LRRN1: variants seen among roughly 807,000 people sequenced by gnomAD.
LRRN1 encodes the protein leucine-rich repeat neuronal protein 1.
In LRRN1, 14 loss-of-function variants were observed where a neutral mutation model predicts 45.8. The observed-to-expected ratio is 0.31, with a 90% confidence interval of 0.20 to 0.48. The LOEUF (loss-of-function observed/expected upper bound fraction) is 0.48, where lower values mean the gene tolerates loss of function less well. LRRN1 is among the 20% of genes least tolerant of loss of function. The pLI, the probability that LRRN1 is intolerant of heterozygous loss-of-function variation, is 0.99. For synonymous variants in LRRN1, 359 were observed against 330.1 expected (o/e 1.09, Z -0.95); for missense variants, 789 against 874.2 (o/e 0.90, Z 1.23).
chr3:3,832,658 G>T (rs1344088086), intron 1 of LRRN1, among the ~76,000 whole-genome samples: 1 of 152,166 alleles, frequency 6.6e-6, no homozygotes, highest in African/African-American at 2.4e-5. Flanking sequence ...TAAATTGTTG[G>T]TAATGTAGTG....
At chr3:3,817,248 C>T (rs711578) in intron 1 of LRRN1, among the ~76,000 whole-genome samples, 73,020 of 151,986 alleles carry the variant, frequency 0.48, 20,636 homozygotes, top group Non-Finnish European at 0.64. Flanking sequence ...CATTTTCTTG[C>T]GGCGATTAAA....
chr3:3,845,069 G>C lies in LRRN1; in HGVS notation c.428G>C (p.Ser143Thr), dbSNP rs1158550492. Residue 143 changes from serine (S) to threonine (T), a missense_variant, in exon 2 of 2, where the codon AGC becomes ACC. Coordinates refer to ENST00000319331, the MANE Select transcript of LRRN1 (RefSeq NM_020873.7). This position sits in a 1 kb window ranked among gnomAD's most constrained non-coding sequence, Gnocchi z 6.5. ...EMTDYCLQDL[S>T]NLQELYINHN... ...ACTGATTACTGTCTACAAGACCTCAGCAACCTTCAAGAACTCTACATCAAC... is the reference window on the plus strand; with the variant it reads ...ACTGATTACTGTCTACAAGACCTCACCAACCTTCAAGAACTCTACATCAAC... The C allele has an allele frequency of 6.2e-7, 1 of 1,613,950 alleles. No homozygotes were observed. The highest frequency in any genetic ancestry group is 2.2e-5 in the East Asian group (1 of 44,884).
intron 1 of LRRN1, among the ~76,000 whole-genome samples, chr3:3,808,807 T>G (rs1475626984): frequency 6.7e-6 from 1 of 150,230 alleles, no homozygotes; most frequent in African/African-American, 2.4e-5. Context: ...TTTATTTTAC[T>G]ACTTTTAATT....
intron 1 of LRRN1, among the ~76,000 whole-genome samples, chr3:3,823,763 CCTTT>C (rs140212810): frequency 0.016 from 2,363 of 152,206 alleles, 54 homozygotes; most frequent in African/African-American, 0.05. Context: ...TGAGACTGTG[CCTTT>C]CTTTTTAATT....
At chr3:3,830,901 A>C (rs1256657558) in intron 1 of LRRN1, among the ~76,000 whole-genome samples, 1 of 152,184 alleles carries the variant, frequency 6.6e-6, no homozygotes, top group African/African-American at 2.4e-5. Flanking sequence ...GCTGTCTCTC[A>C]AAAGGAGAGT....
chr3:3,837,258 C>T (rs1156425806), intron 1 of LRRN1, among the ~76,000 whole-genome samples: 1 of 152,098 alleles, frequency 6.6e-6, no homozygotes, highest in African/African-American at 2.4e-5. Flanking sequence ...TGTAAACAAA[C>T]AAAACTGGAA....
chr3:3,838,640 T>C (rs1424237381), intron 1 of LRRN1, among the ~76,000 whole-genome samples: 1 of 152,214 alleles, frequency 6.6e-6, no homozygotes, highest in African/African-American at 2.4e-5. Context: ...TTACATTCTC[T>C]ACAACAGTGA....
At chr3:3,804,049 T>C (rs1048562124) in intron 1 of LRRN1, 2 of 152,234 alleles carry the variant, frequency 1.3e-5, no homozygotes, top group African/African-American at 4.8e-5. Flanking sequence ...CATACCATTT[T>C]ATGTTACAGT....
intron 1 of LRRN1, among the ~76,000 whole-genome samples, chr3:3,843,169 A>T (rs1693683048): frequency 6.6e-6 from 1 of 152,358 alleles, no homozygotes; most frequent in Non-Finnish European, 1.5e-5. Flanking sequence ...CTGTCCTTGT[A>T]TGAGCAACCC....
intron 1 of LRRN1, among the ~76,000 whole-genome samples, chr3:3,806,247 C>T (rs751512490): frequency 2.0e-5 from 3 of 152,142 alleles, no homozygotes; most frequent in Non-Finnish European, 2.9e-5. Context: ...TCAGTCTAGT[C>T]GGGGTTACAG....
At chr3:3,829,347 C>T (rs1444235156) in intron 1 of LRRN1, among the ~76,000 whole-genome samples, 2 of 152,112 alleles carry the variant, frequency 1.3e-5, no homozygotes, top group African/African-American at 4.8e-5. Context: ...CAGCGTTCCT[C>T]CTCCTGGAAC....
intron 1 of LRRN1, among the ~76,000 whole-genome samples, chr3:3,802,253 T>C (rs999183292): frequency 6.6e-6 from 1 of 152,202 alleles, no homozygotes; most frequent in African/African-American, 2.4e-5. Context: ...CCTCTTGGCG[T>C]TGTGCGACAG....
At chr3:3,835,378 A>G (rs767244068) in intron 1 of LRRN1, among the ~76,000 whole-genome samples, 55 of 152,186 alleles carry the variant, frequency 3.6e-4, no homozygotes, top group Non-Finnish European at 6.8e-4. Context: ...GCTATCATAT[A>G]GGTACTCACA....
At chr3:3,813,800 C>T (rs1056661380) in intron 1 of LRRN1, among the ~76,000 whole-genome samples, 4 of 152,062 alleles carry the variant, frequency 2.6e-5, no homozygotes, top group South Asian at 2.1e-4. Context: ...TGCAGAGGAA[C>T]GAAGCCCCTG....
intron 1 of LRRN1, among the ~76,000 whole-genome samples, chr3:3,802,327 T>C (rs1348725115): frequency 6.6e-6 from 1 of 152,310 alleles, no homozygotes; most frequent in African/African-American, 2.4e-5. Context: ...TACCTACGAC[T>C]AACCAGCCCC....
chr3:3,819,781 A>G (rs1021032948), intron 1 of LRRN1, among the ~76,000 whole-genome samples: 1 of 152,168 alleles, frequency 6.6e-6, no homozygotes, highest in African/African-American at 2.4e-5. Flanking sequence ...TTTTGAATCC[A>G]CAATCCGTAA....
intron 1 of LRRN1, among the ~76,000 whole-genome samples, chr3:3,835,584 AT>A (rs59300921): frequency 0.18 from 24,388 of 135,158 alleles, 2,116 homozygotes; most frequent in Non-Finnish European, 0.22. Flanking sequence ...GAGCTGCCTG[AT>A]TTTTTTTTTT....
chr3:3,845,793 C>T lies in LRRN1; in HGVS notation c.1152C>T (p.Ser384=), dbSNP rs1575305389. The part of the protein sequence containing the change: ...RCDCVIHWIN[S]NKTNIRFMEP... ...ACTGTGTGATCCACTGGATTAACTC[C>T]AACAAAACCAACATCCGCTTCATGG... Residue 384 remains serine (S), a synonymous_variant, in exon 2 of 2, where the codon TCC becomes TCT. Transcript: ENST00000319331. The surrounding 1 kb of genome is among the most constrained non-coding windows in gnomAD (Gnocchi z 6.5). 2 of 1,614,002 alleles carry T rather than the reference C, an allele frequency of 1.2e-6. No individual in the cohort carries two copies. Among genetic ancestry groups the T allele is most frequent in the African/African-American group, 1.3e-5 (1 of 74,894 alleles).
Position 3,845,589 on chromosome 3 carries a change from G to C in LRRN1, c.948G>C (p.Lys316Asn), listed in dbSNP as rs772303652. 1.2e-6 allele frequency: 2 copies of C among 1,614,016 alleles called. No homozygotes were observed. The highest frequency in any genetic ancestry group is 1.7e-6 in the Non-Finnish European group (2 of 1,180,042). Residue 316 changes from lysine (K) to asparagine (N), a missense_variant, in exon 2 of 2, where the codon AAG becomes AAC. By Grantham distance (94) the Lys-to-Asn change is moderately conservative. Transcript: ENST00000319331. This position sits in a 1 kb window ranked among gnomAD's most constrained non-coding sequence, Gnocchi z 6.5. Reference protein sequence around the residue: ...YALDNLPELTKLEATNNPKLS... With the variant: ...YALDNLPELTNLEATNNPKLS... ...TGGATAACTTGCCTGAACTCACAAA[G>C]CTGGAAGCCACCAATAACCCTAAAC...
Sources: gnomAD v4.1 joint callset for allele counts (sites outside exome capture counted in the v4.1 genomes callset) on GRCh38, gnomAD v4.1.1 for gene constraint, Gnocchi (gnomAD v3.1) non-coding constraint, MANE v1.5 for transcripts, NCBI Gene and HGNC (gene_info 2026-07-23, HGNC 2026-07-21) for gene names.